The following AFF1 variants were observed in gnomAD, a reference collection of about 807,000 sequenced individuals.
AFF1 encodes ALF transcription elongation factor 1, also known as AF4/FMR2 family member 1.
AFF1 carries 48 observed loss-of-function variants against 121.7 expected under a neutral mutation model. The ratio of observed to expected loss-of-function variants is 0.39; its 90% confidence interval spans 0.31 to 0.50. The LOEUF is 0.50. Among genes scored for constraint, AFF1 ranks in the 20% least tolerant of loss-of-function variants. AFF1 has a pLI of 0.76. For synonymous variants in AFF1, 613 were observed against 563.0 expected, an observed-to-expected ratio of 1.09 and a Z score of -1.26; for missense variants, 1,523 against 1,511.7, an observed-to-expected ratio of 1.01 and a Z score of -0.12.
chr4:86,992,724 T>TG (rs1416643861), intron 2 of AFF1, among the ~76,000 whole-genome samples: 1 of 152,230 alleles, frequency 6.6e-6, no homozygotes, highest in Non-Finnish European at 1.5e-5. Context: ...ACTGTAAACC[T>TG]GAAAAACTCT....
chr4:86,963,963 G>T (rs909755685), intron 2 of AFF1, among the ~76,000 whole-genome samples: 41 of 104,364 alleles, frequency 3.9e-4, no homozygotes, highest in South Asian at 6.8e-4. Flanking sequence ...GACTAGACTG[G>T]TTTTTTTTTT....
chr4:87,044,213 A>G (rs1250086753), intron 2 of AFF1, among the ~76,000 whole-genome samples: 1 of 152,224 alleles, frequency 6.6e-6, no homozygotes, highest in East Asian at 1.9e-4. Context: ...CTATAGAAAT[A>G]CTAGATTACT....
In AFF1 at chr4:86,991,100, C is replaced by T. The variant is rs1223366305; in HGVS notation, c.38+42529C>T. On this transcript the variant is annotated intron_variant, in intron 2 of 20. Transcript: ENST00000395146. ...CCAGGAGGTGGAGGTTGCAGTGAGT[C>T]GAGATCGTGCCATTGCACTCCAGAG... 7.4e-5 allele frequency among the ~76,000 whole-genome samples: 11 copies of T among 148,896 alleles called. No homozygotes were observed. In the East Asian group the frequency reaches 1.6e-3, roughly 22 times the overall value.
chr4:87,131,897 AT>A, intron 18 of AFF1, 33 bp downstream of exon 18: 1 of 1,496,752 alleles, frequency 6.7e-7, no homozygotes, highest in Non-Finnish European at 8.9e-7. Flanking sequence ...ATAGTACTAA[AT>A]TTGTTTTTGC....
rs536477252 is a variant in AFF1, at chr4:87,080,854, C to T, written c.1060-3266C>T. 3.9e-5 allele frequency among the ~76,000 whole-genome samples: 6 copies of T among 152,122 alleles called. No individual in the cohort carries two copies. In the South Asian group the frequency reaches 6.2e-4, roughly 16 times the overall value. ...GTTTAAGTGTCTCTAATTAGGGTGG[C>T]GAGAAGAGTGAAGATGTGAGTCTCA... On this transcript the variant is annotated intron_variant, in intron 4 of 20. Coordinates refer to ENST00000395146, the MANE Select transcript of AFF1 (RefSeq NM_001166693.3).
chr4:87,105,499 T>A, intron 8 of AFF1, 129 bp from the exon 9 acceptor site: 1 of 953,804 alleles, frequency 1.0e-6, no homozygotes, highest in Non-Finnish European at 1.6e-6. Context: ...TCACAGCCTT[T>A]AATAAATAAA....
intron 2 of AFF1, among the ~76,000 whole-genome samples, chr4:87,044,064 C>T (rs113167444): frequency 6.6e-6 from 1 of 152,152 alleles, no homozygotes; most frequent in African/African-American, 2.4e-5. Flanking sequence ...GATCCACCTG[C>T]CTTGGCCTCC....
chr4:86,944,361 A>C (rs989095827), intron 1 of AFF1, among the ~76,000 whole-genome samples: 1 of 99,606 alleles, frequency 1.0e-5, no homozygotes, highest in Admixed American at 1.4e-4. Context: ...TAAGAAGAAT[A>C]ATTTTCTGGA....
intron 2 of AFF1, among the ~76,000 whole-genome samples, chr4:86,982,386 G>A (rs1391250222): frequency 8.7e-6 from 1 of 115,594 alleles, no homozygotes; most frequent in Non-Finnish European, 1.7e-5. Flanking sequence ...AAAAAAAATT[G>A]GCTTTTTTTT....
In AFF1 at chr4:87,111,303, C is replaced by A. The variant is rs1197507838; in HGVS notation, c.1533+2988C>A. On this transcript the variant is annotated intron_variant, in intron 11 of 20. Transcript: ENST00000395146. ...AAGTGCTGGGATTACAGGCGTGAGC[C>A]ACCGCGCCCGGCCTTACTTAAACTT... 4.0e-5 allele frequency among the ~76,000 whole-genome samples: 6 copies of A among 148,928 alleles called. 2 individuals carry two copies. The highest frequency in any genetic ancestry group is 8.9e-5 in the Non-Finnish European group (6 of 67,264).
chr4:87,008,832 T>A (rs1355947063), intron 2 of AFF1, among the ~76,000 whole-genome samples: 5 of 152,356 alleles, frequency 3.3e-5, no homozygotes, highest in East Asian at 3.9e-4. Context: ...ACCATTGATT[T>A]CTTTTAAATA....
intron 4 of AFF1, among the ~76,000 whole-genome samples, chr4:87,083,139 A>G (rs1287264055): frequency 6.6e-6 from 1 of 152,206 alleles, no homozygotes; most frequent in Non-Finnish European, 1.5e-5. Flanking sequence ...AATTGATTTT[A>G]ATTTAACTTT....
At chr4:87,094,222 GTTCT>G (rs767175945) in intron 7 of AFF1, among the ~76,000 whole-genome samples, 1 of 152,052 alleles carries the variant, frequency 6.6e-6, no homozygotes, top group Non-Finnish European at 1.5e-5. Context: ...AATTCATTTT[GTTCT>G]TTCTTTAATT....
intron 4 of AFF1, among the ~76,000 whole-genome samples, chr4:87,077,728 A>G (rs967055017): frequency 1.2e-4 from 18 of 152,212 alleles, no homozygotes. Flanking sequence ...AAATGCTGGC[A>G]TATAATGCAT....
At position 87,133,387 on chromosome 4, in the gene AFF1, C is replaced by T. The variant is rs140637738; in HGVS notation, c.3311+979C>T. Among the ~76,000 whole-genome samples, 327 of 152,286 alleles carry T rather than the reference C, an allele frequency of 2.1e-3. 5 individuals carry two copies. The highest frequency in any genetic ancestry group is 6.4e-3 in the African/African-American group (268 of 41,558). On this transcript the variant is annotated intron_variant, in intron 19 of 20. Transcript: ENST00000395146. ...TGCTATTTTAAGAATATCACTTACA[C>T]GACTGCCCTATTTCTAGCACATTCA...
At chr4:87,091,423 A>G (rs1179275101) in intron 6 of AFF1, among the ~76,000 whole-genome samples, 3 of 152,224 alleles carry the variant, frequency 2.0e-5, no homozygotes, top group African/African-American at 7.2e-5. Context: ...AAACAAAACA[A>G]AAAAAACAGT....
intron 2 of AFF1, among the ~76,000 whole-genome samples, chr4:87,009,931 A>G (rs564659583): frequency 7.2e-5 from 11 of 152,322 alleles, no homozygotes; most frequent in Non-Finnish European, 1.2e-4. Context: ...TTTGTAGCTC[A>G]GTGTTTAAGC....
intron 4 of AFF1, chr4:87,047,797 T>A: frequency 1.3e-6 from 1 of 753,924 alleles, no homozygotes; most frequent in Non-Finnish European, 2.3e-6. Flanking sequence ...TGAAATGCAG[T>A]TTGCAGAAAG....
intron 2 of AFF1, chr4:87,007,203 G>T: frequency 7.0e-7 from 1 of 1,427,674 alleles, no homozygotes; most frequent in Non-Finnish European, 9.1e-7. Flanking sequence ...TGTCCATCAG[G>T]ATTAGCGCGA....
Sources: gnomAD v4.1 joint callset for allele counts (sites outside exome capture counted in the v4.1 genomes callset) on GRCh38, gnomAD v4.1.1 for gene constraint, MANE v1.5 for transcripts, NCBI Gene and HGNC (gene_info 2026-07-23, HGNC 2026-07-21) for gene names.